The following DYNC2H1 variants were observed in gnomAD, a reference collection of about 807,000 sequenced individuals.
DYNC2H1 encodes dynein cytoplasmic 2 heavy chain 1, also known as cytoplasmic dynein 2 heavy chain 1.
Under a neutral mutation model 570.0 loss-of-function variants are expected in DYNC2H1, and 410 were observed. The ratio of observed to expected loss-of-function variants is 0.72; its 90% CI spans 0.66 to 0.78. DYNC2H1 has a LOEUF of 0.78. DYNC2H1 is among the 30% of genes least tolerant of loss of function. The pLI is 0.00. For synonymous variants in DYNC2H1, 1,688 were observed against 1,677.6 expected (o/e 1.01, Z -0.15); for missense variants, 4,865 against 5,046.4 (o/e 0.96, Z 1.09).
In DYNC2H1 at chr11:103,261,532, C is replaced by G. The variant is rs1209938317; in HGVS notation, c.10695+1555C>G. On this transcript the variant is annotated intron_variant, in intron 70 of 88. Transcript: ENST00000375735. This position sits in a 1 kb window ranked among gnomAD's most constrained non-coding sequence, Gnocchi z 4.8. ...AGCAATCTTTGCTGTTCTGCAGACT[C>G]TGCTGGTGATACCCAGGCAAACAGG... 6.6e-6 allele frequency among the ~76,000 whole-genome samples: 1 copy of G among 152,198 alleles called. No homozygotes were observed.
At chr11:103,266,002 CA>C (rs370939417) in intron 70 of DYNC2H1, among the ~76,000 whole-genome samples, 2 of 128,862 alleles carry the variant, frequency 1.6e-5, no homozygotes, top group African/African-American at 5.8e-5. Flanking sequence ...TATTGGGCCC[CA>C]ACTTTGATCT....
At chr11:103,162,969 A>G (rs143596938) in intron 29 of DYNC2H1, 59 bp from the exon 30 acceptor site, 2 of 1,454,008 alleles carry the variant, frequency 1.4e-6, no homozygotes, top group Admixed American at 3.6e-5. Context: ...TGTCTTATAT[A>G]TATTATTTTC....
chr11:103,384,118 C>T (rs1941782415), intron 83 of DYNC2H1, among the ~76,000 whole-genome samples: 1 of 152,130 alleles, frequency 6.6e-6, no homozygotes, highest in South Asian at 2.1e-4. Context: ...TTGTTGACTG[C>T]TGTCCTCCCA....
At chr11:103,368,361 T>A (rs1267630263) in intron 83 of DYNC2H1, among the ~76,000 whole-genome samples, 1 of 152,198 alleles carries the variant, frequency 6.6e-6, no homozygotes, top group African/African-American at 2.4e-5. Context: ...TGATGTACAT[T>A]TTTTCATACA....
rs142078354 is a variant in DYNC2H1, at chr11:103,175,327, G to T, written c.5675-908G>T. The stretch of plus-strand genomic sequence containing the variant: ...ACATTAGCTGTATTATTAGGTTGGC[G>T]TATGCCTGGGTAGATATAGTTATTT... On this transcript the variant is annotated intron_variant, in intron 36 of 88. Coordinates refer to ENST00000375735, the MANE Select transcript of DYNC2H1 (RefSeq NM_001377.3). 4.1e-4 allele frequency among the ~76,000 whole-genome samples: 62 copies of T among 152,264 alleles called. 1 individual carries two copies. The highest frequency in any genetic ancestry group is 1.5e-3 in the African/African-American group (62 of 41,562).
chr11:103,229,208 G>A (rs1166255357), intron 59 of DYNC2H1, among the ~76,000 whole-genome samples: 1 of 152,194 alleles, frequency 6.6e-6, no homozygotes, highest in Non-Finnish European at 1.5e-5. Flanking sequence ...GTATCTCAGG[G>A]AGCCTGCAGT....
intron 87 of DYNC2H1, among the ~76,000 whole-genome samples, chr11:103,463,617 G>T (rs1945095100): frequency 6.6e-6 from 1 of 152,068 alleles, no homozygotes. Context: ...CAGGCCTGGT[G>T]GTGCATGCCT....
At chr11:103,231,418 T>A in intron 60 of DYNC2H1, 72 bp downstream of exon 60, 1 of 1,025,486 alleles carries the variant, frequency 9.8e-7, no homozygotes, top group South Asian at 1.8e-5. Context: ...ATTTCTTTCT[T>A]GTTTTGACTT....
intron 84 of DYNC2H1, among the ~76,000 whole-genome samples, chr11:103,421,632 G>A (rs932254846): frequency 4.6e-5 from 7 of 152,078 alleles, no homozygotes; most frequent in East Asian, 3.9e-4. Flanking sequence ...AAATTAAGGT[G>A]GAAATCAAGA....
At chr11:103,345,042 C>G (rs182121595) in intron 82 of DYNC2H1, among the ~76,000 whole-genome samples, 1 of 152,274 alleles carries the variant, frequency 6.6e-6, no homozygotes, top group East Asian at 1.9e-4. Flanking sequence ...CTTTCAATCT[C>G]TCACACATGC....
rs1864585368 is a variant in DYNC2H1, at chr11:103,245,620, A to G, written c.10042+246A>G. On this transcript the variant is annotated intron_variant, in intron 65 of 88. Transcript: ENST00000375735. The surrounding 1 kb of genome is among the most constrained non-coding windows in gnomAD (Gnocchi z 4.5). ...TACGTAAGCACACTCTCCCTAGCAC[A>G]TTACAAAATTCTAGACCCCCTGAAG... is the stretch of plus-strand genomic sequence containing the variant. Among the ~76,000 whole-genome samples, 1 of 152,144 alleles carries G rather than the reference A, an allele frequency of 6.6e-6. No homozygotes were observed. Among genetic ancestry groups the G allele is most frequent in the South Asian group, 2.1e-4 (1 of 4,836 alleles).
chr11:103,467,888 A>G (rs1295342956), intron 87 of DYNC2H1, among the ~76,000 whole-genome samples: 1 of 152,216 alleles, frequency 6.6e-6, no homozygotes, highest in African/African-American at 2.4e-5. Flanking sequence ...TCAAATTATG[A>G]TAATATAGAT....
chr11:103,371,054 A>C (rs1397561885), intron 83 of DYNC2H1, among the ~76,000 whole-genome samples: 1 of 152,158 alleles, frequency 6.6e-6, no homozygotes, highest in Non-Finnish European at 1.5e-5. Flanking sequence ...AGAAAACTCA[A>C]ACTCAACACA....
chr11:103,452,616 T>G (rs1390549472), intron 85 of DYNC2H1, among the ~76,000 whole-genome samples: 1 of 140,684 alleles, frequency 7.1e-6, no homozygotes, highest in African/African-American at 2.6e-5. Context: ...TGATACCTGC[T>G]TGTATTACAA....
At chr11:103,161,171 A>C in intron 29 of DYNC2H1, 127 bp downstream of exon 29, 1 of 463,704 alleles carries the variant, frequency 2.2e-6, no homozygotes. Flanking sequence ...AACTCAGCTC[A>C]TATCTTAAAA....
intron 59 of DYNC2H1, among the ~76,000 whole-genome samples, chr11:103,224,280 G>T (rs968183511): frequency 1.3e-5 from 2 of 151,698 alleles, no homozygotes; most frequent in Non-Finnish European, 2.9e-5. Context: ...ATAGGTTTTT[G>T]GGGAACAAGT....
intron 82 of DYNC2H1, among the ~76,000 whole-genome samples, chr11:103,342,249 C>G (rs371370774): frequency 6.6e-6 from 1 of 152,048 alleles, no homozygotes; most frequent in African/African-American, 2.4e-5. Flanking sequence ...TGGTAAAATG[C>G]ACCAATCAGC....
In DYNC2H1 at chr11:103,177,363, T is replaced by A. The variant is rs1425537566; in HGVS notation, c.5875-193T>A. 2.0e-5 allele frequency among the ~76,000 whole-genome samples: 3 copies of A among 152,146 alleles called. No individual in the cohort carries two copies. Among genetic ancestry groups the A allele is most frequent in the Non-Finnish European group, 2.9e-5 (2 of 68,030 alleles). On this transcript the variant is annotated intron_variant, in intron 37 of 88. Transcript: ENST00000375735. The surrounding 1 kb of genome is among the most constrained non-coding windows in gnomAD (Gnocchi z 4.4). ...CACCTTTGTTTCTTTTAAAGAAATA[T>A]TGAAGTATTTAAAGATTATATTGTA...
At chr11:103,293,314 A>G (rs986286956) in intron 75 of DYNC2H1, among the ~76,000 whole-genome samples, 1 of 151,556 alleles carries the variant, frequency 6.6e-6, no homozygotes, top group African/African-American at 2.4e-5. Flanking sequence ...TTTATATGTT[A>G]TTTGCTTCTT....
Sources: allele counts gnomAD v4.1 joint callset (sites outside exome capture counted in the v4.1 genomes callset), GRCh38; gene constraint gnomAD v4.1.1; non-coding constraint Gnocchi (gnomAD v3.1); transcripts MANE v1.5; gene names NCBI Gene and HGNC (gene_info 2026-07-23, HGNC 2026-07-21).